The following NELL1 variants were observed in gnomAD, a reference collection of about 807,000 sequenced individuals.
NELL1 encodes the protein neural EGFL like 1.
In NELL1, 76 loss-of-function variants were observed where a neutral mutation model predicts 107.4. The observed-to-expected ratio is 0.71, with a 90% CI of 0.59 to 0.86. The LOEUF (loss-of-function observed/expected upper bound fraction) is 0.86. Among genes scored for constraint, NELL1 ranks in the 40% least tolerant of loss-of-function variants. The probability of loss-of-function intolerance (pLI) is 0.00; values close to 1 mark genes in which losing one functional copy is unlikely to be tolerated. For missense variants in NELL1, 1,024 were observed against 1,005.5 expected, an observed-to-expected ratio of 1.02 and a Z score of -0.25; for synonymous variants, 353 against 341.2, an observed-to-expected ratio of 1.03 and a Z score of -0.38.
At chr11:21,551,649 A>G (rs986377527) in intron 16 of NELL1, among the ~76,000 whole-genome samples, 6 of 151,618 alleles carry the variant, frequency 4.0e-5, no homozygotes, top group African/African-American at 9.7e-5. Context: ...AGGTGCTGGA[A>G]AGGATGTGGA....
intron 2 of NELL1, among the ~76,000 whole-genome samples, chr11:20,718,822 C>A (rs1250828896): frequency 1.3e-5 from 2 of 152,148 alleles, no homozygotes. Flanking sequence ...CGGCTTGGAT[C>A]TTTCAAAGAG....
At chr11:21,499,317 A>C (rs1855075471) in intron 15 of NELL1, among the ~76,000 whole-genome samples, 3 of 152,132 alleles carry the variant, frequency 2.0e-5, no homozygotes. Flanking sequence ...CTATTTGACT[A>C]GTCCATCTTT....
rs528537348 is a variant in NELL1 at position 20,761,317 on chromosome 11, A to G, written c.185-22363A>G. Among the ~76,000 whole-genome samples, 3 of 152,316 alleles carry G rather than the reference A, an allele frequency of 2.0e-5. No homozygotes were observed. The East Asian group carries it at 5.8e-4, about 29-fold the overall frequency. ...GCTTAAGACTTGTTCTAGTGGATAC[A>G]AGCAGTCACAGTTCAAGGCTACCTG... is the stretch of plus-strand genomic sequence containing the variant. On this transcript the variant is annotated intron_variant, in intron 2 of 19. Coordinates refer to ENST00000357134, the MANE Select transcript of NELL1 (RefSeq NM_006157.5).
intron 2 of NELL1, among the ~76,000 whole-genome samples, chr11:20,714,790 C>G (rs1855200653): frequency 6.6e-6 from 1 of 152,042 alleles, no homozygotes; most frequent in Non-Finnish European, 1.5e-5. Context: ...CTACCATGTG[C>G]TAGGCACTTT....
chr11:20,870,310 T>A (rs1849172703), intron 4 of NELL1, among the ~76,000 whole-genome samples: 1 of 152,236 alleles, frequency 6.6e-6, no homozygotes, highest in Admixed American at 6.5e-5. Context: ...TTTGTCTCAC[T>A]ACTATGCAGT....
intron 14 of NELL1, among the ~76,000 whole-genome samples, chr11:21,264,071 G>GTGTGTGT (rs1554989862): frequency 1.4e-5 from 2 of 139,436 alleles, no homozygotes; most frequent in Non-Finnish European, 3.1e-5. Flanking sequence ...TCTACAATGG[G>GTGTGTGT]GTGTGTGTGT....
intron 13 of NELL1, among the ~76,000 whole-genome samples, chr11:21,163,619 G>A (rs956372729): frequency 6.6e-6 from 1 of 152,110 alleles, no homozygotes; most frequent in Non-Finnish European, 1.5e-5. Context: ...ACTGTATACT[G>A]GGTGACTTAA....
chr11:21,147,824 G>A (rs1174641722), intron 13 of NELL1, among the ~76,000 whole-genome samples: 1 of 61,742 alleles, frequency 1.6e-5, no homozygotes, highest in Non-Finnish European at 2.8e-5. Context: ...CAACAAGAGT[G>A]AAACTCCGTC....
intron 12 of NELL1, among the ~76,000 whole-genome samples, chr11:21,023,286 A>T (rs1021901512): frequency 2.0e-5 from 3 of 152,134 alleles, no homozygotes; most frequent in African/African-American, 7.2e-5. Flanking sequence ...TCTCATTGTA[A>T]AATGAAGAAT....
chr11:21,434,964 A>C (rs1465557181), intron 15 of NELL1, among the ~76,000 whole-genome samples: 1 of 151,982 alleles, frequency 6.6e-6, no homozygotes, highest in Non-Finnish European at 1.5e-5. Context: ...AATTTTTTAA[A>C]ATTATGCTTT....
intron 12 of NELL1, among the ~76,000 whole-genome samples, chr11:21,074,538 T>C (rs1854088767): frequency 6.6e-6 from 1 of 152,170 alleles, no homozygotes. Flanking sequence ...TGGATGCTGC[T>C]GATGTATGAG....
intron 14 of NELL1, among the ~76,000 whole-genome samples, chr11:21,337,133 C>A (rs1850420520): frequency 6.6e-6 from 1 of 152,014 alleles, no homozygotes; most frequent in East Asian, 1.9e-4. Context: ...AGGTACTTAG[C>A]TTGAGAGTAC....
chr11:21,125,519 A>G (rs1167641725), intron 13 of NELL1, among the ~76,000 whole-genome samples: 1 of 152,184 alleles, frequency 6.6e-6, no homozygotes, highest in Non-Finnish European at 1.5e-5. Context: ...TCTGACCTCT[A>G]GGAGATTGTG....
At chr11:21,537,992 G>C (rs78498373) in intron 16 of NELL1, among the ~76,000 whole-genome samples, 5 of 152,098 alleles carry the variant, frequency 3.3e-5, no homozygotes, top group African/African-American at 1.2e-4. Context: ...ATGACCTGAC[G>C]TACTCTGGAT....
chr11:21,527,554 A>C (rs1255280828), intron 15 of NELL1, among the ~76,000 whole-genome samples: 3 of 152,210 alleles, frequency 2.0e-5, no homozygotes, highest in Non-Finnish European at 4.4e-5. Flanking sequence ...AGGATAGATG[A>C]ATATATGAAT....
chr11:20,870,267 G>A (rs1343581977), intron 4 of NELL1, among the ~76,000 whole-genome samples: 4 of 152,118 alleles, frequency 2.6e-5, no homozygotes, highest in Non-Finnish European at 5.9e-5. Context: ...TAACTCTTGG[G>A]TTTATTCTTT....
chr11:21,190,909 G>C (rs1670620), intron 13 of NELL1, among the ~76,000 whole-genome samples: 73,535 of 151,398 alleles, frequency 0.49, 18,503 homozygotes, highest in Middle Eastern at 0.53. Context: ...AGAGGTCATA[G>C]AGTTCTGAGA....
At chr11:21,406,271 T>C (rs1217163478) in intron 15 of NELL1, among the ~76,000 whole-genome samples, 3 of 151,982 alleles carry the variant, frequency 2.0e-5, no homozygotes, top group African/African-American at 7.2e-5. Context: ...TAGGGGGCAG[T>C]CATTGGGCTT....
At chr11:21,561,442 G>A (rs1034274113) in intron 17 of NELL1, among the ~76,000 whole-genome samples, 4 of 152,034 alleles carry the variant, frequency 2.6e-5, no homozygotes, top group African/African-American at 9.7e-5. Flanking sequence ...CCTTATTGGA[G>A]CACCTGCTAT....
Sources: allele counts gnomAD v4.1 joint callset (sites outside exome capture counted in the v4.1 genomes callset), GRCh38; gene constraint gnomAD v4.1.1; transcripts MANE v1.5; gene names NCBI Gene and HGNC (gene_info 2026-07-23, HGNC 2026-07-21).